Variants in SCAI observed in about 807,000 individuals in gnomAD.
SCAI encodes the protein suppressor of cancer cell invasion.
A neutral mutation model predicts 92.2 loss-of-function variants in SCAI; 24 were observed. That is an observed-to-expected ratio of 0.26 (90% CI 0.19 to 0.37). The LOEUF (loss-of-function observed/expected upper bound fraction) is 0.37, where lower values mean the gene tolerates loss of function less well. SCAI is among the 10% of genes least tolerant of loss of function. The probability of loss-of-function intolerance (pLI) is 1.00; values close to 1 mark genes in which losing one functional copy is unlikely to be tolerated. For synonymous variants in SCAI, 261 were observed against 258.6 expected, an observed-to-expected ratio of 1.01 and a Z score of -0.09; for missense variants, 450 against 736.2, an observed-to-expected ratio of 0.61 and a Z score of 4.50.
At chr9:124,986,828 T>C (rs937580471) in intron 14 of SCAI, among the ~76,000 whole-genome samples, 5 of 152,200 alleles carry the variant, frequency 3.3e-5, no homozygotes, top group African/African-American at 4.8e-5. Flanking sequence ...CTGAATCCTG[T>C]TGTGAATGCC....
At chr9:125,067,528 C>T (rs1833898771) in intron 2 of SCAI, among the ~76,000 whole-genome samples, 2 of 152,280 alleles carry the variant, frequency 1.3e-5, no homozygotes, top group East Asian at 1.9e-4. Context: ...TTGCTGGCAA[C>T]CATCAGAAGC....
At chr9:125,063,309 G>C (rs1440272609) in intron 2 of SCAI, among the ~76,000 whole-genome samples, 1 of 150,728 alleles carries the variant, frequency 6.6e-6, no homozygotes, top group East Asian at 2.0e-4. Context: ...CTCAGGAAGT[G>C]AAGGTTGCAG....
chr9:125,017,056 A>C (rs1227342682), intron 9 of SCAI, among the ~76,000 whole-genome samples: 1 of 152,170 alleles, frequency 6.6e-6, no homozygotes, highest in Non-Finnish European at 1.5e-5. Context: ...TAAATCTGAC[A>C]AAGGACTTTC....
At chr9:125,010,183 G>A (rs891081271) in intron 9 of SCAI, among the ~76,000 whole-genome samples, 4 of 152,222 alleles carry the variant, frequency 2.6e-5, no homozygotes, top group African/African-American at 9.6e-5. Context: ...GTGGGCGCAG[G>A]ACAGTGGGTG....
intron 2 of SCAI, among the ~76,000 whole-genome samples, chr9:125,099,992 A>G (rs1408434333): frequency 1.3e-5 from 2 of 152,260 alleles, no homozygotes; most frequent in African/African-American, 4.8e-5. Flanking sequence ...TAATGCTGCT[A>G]CTAACCTTGG....
chr9:125,044,844 T>C (rs780255581), intron 3 of SCAI, among the ~76,000 whole-genome samples: 1 of 152,138 alleles, frequency 6.6e-6, no homozygotes, highest in South Asian at 2.1e-4. Context: ...ACCACCACCA[T>C]GTTCCCCTCG....
At chr9:125,108,782 G>T (rs934867706) in intron 2 of SCAI, among the ~76,000 whole-genome samples, 1 of 151,910 alleles carries the variant, frequency 6.6e-6, no homozygotes. Context: ...GAGGTGGGGG[G>T]CGCCTCTGCC....
At chr9:125,045,408 G>T (rs567238496) in intron 3 of SCAI, among the ~76,000 whole-genome samples, 50 of 152,098 alleles carry the variant, frequency 3.3e-4, no homozygotes, top group Non-Finnish European at 6.0e-4. Flanking sequence ...GTCTCACTGT[G>T]TTGCTCAGGC....
At chr9:125,008,613 T>C in intron 9 of SCAI, among the ~76,000 whole-genome samples, 1 of 152,140 alleles carries the variant, frequency 6.6e-6, no homozygotes, top group East Asian at 1.9e-4. Flanking sequence ...AAGATATGGT[T>C]AGTGAAATGG....
intron 14 of SCAI, among the ~76,000 whole-genome samples, chr9:124,981,602 C>A (rs540940991): frequency 6.6e-6 from 1 of 151,856 alleles, no homozygotes; most frequent in Non-Finnish European, 1.5e-5. Flanking sequence ...ATGACTGTTA[C>A]GAAAGCATGT....
At chr9:125,037,020 G>A (rs562385826) in intron 3 of SCAI, among the ~76,000 whole-genome samples, 1 of 152,256 alleles carries the variant, frequency 6.6e-6, no homozygotes, top group Admixed American at 6.5e-5. Context: ...TGTAATCCCA[G>A]CACTTTGGGA....
intron 1 of SCAI, 85 bp downstream of exon 1, chr9:125,143,300 C>T (rs1835713805): frequency 7.3e-6 from 6 of 818,494 alleles, no homozygotes; most frequent in Non-Finnish European, 9.9e-6. Flanking sequence ...GCCCCGAATG[C>T]TCCACCGCCC....
chr9:124,974,186 T>C, intron 15 of SCAI: 1 of 450,580 alleles, frequency 2.2e-6, no homozygotes, highest in Non-Finnish European at 4.4e-6. Flanking sequence ...TGATAATAAA[T>C]GTTGAATAGC....
intron 2 of SCAI, among the ~76,000 whole-genome samples, chr9:125,136,196 C>A (rs891731527): frequency 1.8e-4 from 26 of 146,158 alleles, no homozygotes; most frequent in Non-Finnish European, 3.2e-4. Context: ...CTGCAGCCTC[C>A]ACCTCCCAGT....
intron 2 of SCAI, among the ~76,000 whole-genome samples, chr9:125,129,199 G>A (rs1312949833): frequency 6.6e-6 from 1 of 151,960 alleles, no homozygotes; most frequent in Non-Finnish European, 1.5e-5. Context: ...CTAGCACTTT[G>A]AGAGGCTGAG....
chr9:124,972,891 C>A (rs987683771), intron 15 of SCAI, among the ~76,000 whole-genome samples: 4 of 152,180 alleles, frequency 2.6e-5, no homozygotes, highest in African/African-American at 9.7e-5. Context: ...TTCATCCATG[C>A]CCCTCCCAAG....
At chr9:125,087,079 A>C (rs1273588553) in intron 2 of SCAI, among the ~76,000 whole-genome samples, 1 of 152,218 alleles carries the variant, frequency 6.6e-6, no homozygotes, top group Non-Finnish European at 1.5e-5. Context: ...TGGTCACCCT[A>C]TAAATAAGTG....
chr9:124,971,652 A>G lies in SCAI; in HGVS notation c.1573+19T>C, dbSNP rs754785764. 3 of 1,563,744 alleles carry G rather than the reference A, an allele frequency of 1.9e-6. No homozygotes were observed. Among genetic ancestry groups the G allele is most frequent in the Non-Finnish European group, 2.6e-6 (3 of 1,155,908 alleles). ...TTATAGTACATTCTGTTAAACGTGC[A>G]GTTAGATTAGGAGGGTACCTATTGA... On this transcript the variant is annotated intron_variant, in intron 16 of 17. Transcript: ENST00000336505.
intron 14 of SCAI, among the ~76,000 whole-genome samples, chr9:124,988,536 T>C (rs1832044776): frequency 6.6e-6 from 1 of 152,044 alleles, no homozygotes; most frequent in African/African-American, 2.4e-5. Context: ...TATGTATGTG[T>C]TACATAAACA....
Sources: allele counts gnomAD v4.1 joint callset (sites outside exome capture counted in the v4.1 genomes callset), GRCh38; gene constraint gnomAD v4.1.1; transcripts MANE v1.5; gene names NCBI Gene and HGNC (gene_info 2026-07-23, HGNC 2026-07-21).